The following RNLS variants were observed in gnomAD, a reference collection of about 807,000 sequenced individuals.
RNLS encodes renalase.
In RNLS, 39 loss-of-function variants were observed where a neutral mutation model predicts 39.8. The observed-to-expected ratio is 0.98, with a 90% CI of 0.76 to 1.28. RNLS has a LOEUF of 1.28. RNLS is among the 50% of genes most tolerant of loss of function. RNLS has a pLI of 0.00. For missense variants in RNLS, 410 were observed against 413.3 expected, an observed-to-expected ratio of 0.99 and a Z score of 0.07; for synonymous variants, 147 against 150.7, an observed-to-expected ratio of 0.98 and a Z score of 0.18.
the RNLS span, among the ~76,000 whole-genome samples, chr10:88,217,714 G>T: frequency 6.0e-5 from 6 of 99,602 alleles, no homozygotes; most frequent in African/African-American, 2.5e-4. Flanking sequence ...TGATACTCAA[G>T]AAAATCTCTT....
chr10:88,424,202 G>A (rs1854575144), intron 4 of RNLS, among the ~76,000 whole-genome samples: 1 of 152,172 alleles, frequency 6.6e-6, no homozygotes, highest in African/African-American at 2.4e-5. Context: ...ATGCATAATA[G>A]TGCCTGGCAC....
intron 6 of RNLS, among the ~76,000 whole-genome samples, chr10:88,306,147 C>T (rs1347555252): frequency 6.6e-6 from 1 of 152,096 alleles, no homozygotes; most frequent in Admixed American, 6.6e-5. Flanking sequence ...AACGATACAA[C>T]ATATCCAAAT....
downstream of RNLS, among the ~76,000 whole-genome samples, chr10:88,279,481 A>C (rs1842933478): frequency 6.6e-6 from 1 of 152,160 alleles, no homozygotes; most frequent in Non-Finnish European, 1.5e-5. Flanking sequence ...CTCGAGACAG[A>C]GACAAAGGAA....
intron 5 of RNLS, among the ~76,000 whole-genome samples, chr10:88,332,703 C>T (rs1343905778): frequency 1.3e-5 from 2 of 152,144 alleles, no homozygotes; most frequent in African/African-American, 2.4e-5. Context: ...CCTTACTTCC[C>T]TTTTTACAGG....
intron 4 of RNLS, among the ~76,000 whole-genome samples, chr10:88,371,219 C>T (rs1000961239): frequency 4.6e-5 from 7 of 152,088 alleles, no homozygotes; most frequent in African/African-American, 1.4e-4. Context: ...GTGTTTAACA[C>T]AATACCTAGC....
At chr10:88,413,727 C>T in intron 4 of RNLS, among the ~76,000 whole-genome samples, 1 of 152,182 alleles carries the variant, frequency 6.6e-6, no homozygotes, top group East Asian at 1.9e-4. Context: ...CTTTGGTTGA[C>T]AGATAGGATT....
chr10:88,174,014 T>A, the RNLS span, among the ~76,000 whole-genome samples: 1 of 152,136 alleles, frequency 6.6e-6, no homozygotes, highest in African/African-American at 2.4e-5. Context: ...TTGGAGTTAT[T>A]GTAAATGGGA....
intron 4 of RNLS, among the ~76,000 whole-genome samples, chr10:88,451,912 C>T (rs1381977926): frequency 1.3e-5 from 2 of 152,208 alleles, no homozygotes; most frequent in African/African-American, 4.8e-5. Flanking sequence ...ACTTGGGCTT[C>T]AGAGTCAGGC....
chr10:88,237,080 G>A, the RNLS span, among the ~76,000 whole-genome samples: 1 of 152,076 alleles, frequency 6.6e-6, no homozygotes, highest in Non-Finnish European at 1.5e-5. Flanking sequence ...TGATAACAAA[G>A]TCTTATGAAG....
chr10:88,467,483 T>C (rs1326369141), intron 4 of RNLS, among the ~76,000 whole-genome samples: 1 of 152,106 alleles, frequency 6.6e-6, no homozygotes, highest in Non-Finnish European at 1.5e-5. Context: ...TTTAGGACTT[T>C]GACAGGGTAG....
At chr10:88,218,005 A>G in the RNLS span, among the ~76,000 whole-genome samples, 5 of 152,118 alleles carry the variant, frequency 3.3e-5, no homozygotes, top group Admixed American at 6.5e-5. Context: ...ACGCCATTGC[A>G]CTCCAGCCTG....
intron 4 of RNLS, among the ~76,000 whole-genome samples, chr10:88,424,973 A>AC (rs1655945324): frequency 6.6e-6 from 1 of 152,086 alleles, no homozygotes; most frequent in African/African-American, 2.4e-5. Flanking sequence ...AACTTACATG[A>AC]CCTTCCAGCA....
At chr10:88,575,955 A>G (rs1850177064) in intron 3 of RNLS, among the ~76,000 whole-genome samples, 1 of 152,046 alleles carries the variant, frequency 6.6e-6, no homozygotes. Flanking sequence ...ACCTCCTCCT[A>G]CTGCTTCAAA....
At chr10:88,370,811 C>A (rs912909053) in intron 4 of RNLS, among the ~76,000 whole-genome samples, 1 of 152,140 alleles carries the variant, frequency 6.6e-6, no homozygotes, top group Admixed American at 6.6e-5. Context: ...TTTTACCACT[C>A]ATGAGTCACT....
chr10:88,445,825 A>T (rs1208054530), intron 4 of RNLS, among the ~76,000 whole-genome samples: 1 of 152,184 alleles, frequency 6.6e-6, no homozygotes, highest in Non-Finnish European at 1.5e-5. Flanking sequence ...AAGTCCTTAG[A>T]GACCTACAAA....
chr10:88,179,955 A>G, the RNLS span, among the ~76,000 whole-genome samples: 1 of 152,256 alleles, frequency 6.6e-6, no homozygotes, highest in Non-Finnish European at 1.5e-5. Flanking sequence ...TCCAAGTTAC[A>G]TGGGAATGCA....
the RNLS span, among the ~76,000 whole-genome samples, chr10:88,266,712 C>T: frequency 6.6e-6 from 1 of 150,930 alleles, no homozygotes; most frequent in African/African-American, 2.4e-5. Context: ...CACACACACA[C>T]ACACACACAC....
At chr10:88,312,065 T>G (rs1845425014) in intron 6 of RNLS, among the ~76,000 whole-genome samples, 1 of 152,190 alleles carries the variant, frequency 6.6e-6, no homozygotes, top group South Asian at 2.1e-4. Flanking sequence ...GCAGAAGTAA[T>G]GCCCCTACCA....
At chr10:88,491,823 C>T (rs1047130791) in intron 4 of RNLS, among the ~76,000 whole-genome samples, 2 of 152,056 alleles carry the variant, frequency 1.3e-5, no homozygotes, top group African/African-American at 4.8e-5. Flanking sequence ...TCTTGAAGAG[C>T]TAGTGATGAT....
Sources: gnomAD v4.1 joint callset for allele counts (sites outside exome capture counted in the v4.1 genomes callset) on GRCh38, gnomAD v4.1.1 for gene constraint, MANE v1.5 for transcripts, NCBI Gene and HGNC (gene_info 2026-07-23, HGNC 2026-07-21) for gene names.